The following TOP1 variants were observed in gnomAD, a reference collection of about 807,000 sequenced individuals.
TOP1 encodes the protein DNA topoisomerase I.
Under a neutral mutation model 111.1 loss-of-function variants are expected in TOP1, and 10 were observed. That is an observed-to-expected ratio of 0.09 (90% CI 0.06 to 0.15). The LOEUF (loss-of-function observed/expected upper bound fraction) is 0.15. Among genes scored for constraint, TOP1 ranks in the 10% least tolerant of loss-of-function variants. The pLI is 1.00. For synonymous variants in TOP1, 271 were observed against 302.9 expected, an observed-to-expected ratio of 0.89 and a Z score of 1.10; for missense variants, 474 against 926.7, an observed-to-expected ratio of 0.51 and a Z score of 6.34.
rs759789088 is a variant in TOP1 at position 41,082,768 on chromosome 20, C to G, written c.507+1528C>G. Among the ~76,000 whole-genome samples, 1 of 151,774 alleles carries G rather than the reference C, an allele frequency of 6.6e-6. No individual in the cohort carries two copies. Among genetic ancestry groups the G allele is most frequent in the Non-Finnish European group, 1.5e-5 (1 of 68,004 alleles). On this transcript the variant is annotated intron_variant, in intron 7 of 20. Coordinates refer to ENST00000361337, the MANE Select transcript of TOP1 (RefSeq NM_003286.4). The surrounding 1 kb of genome is among the most constrained non-coding windows in gnomAD (Gnocchi z 4.1). Reference sequence around the variant, plus strand: ...AAGTAGTGATTATGGTAGCCAATCACTCCACTTGCATATACCAAATCAGTA... The same window carrying G: ...AAGTAGTGATTATGGTAGCCAATCAGTCCACTTGCATATACCAAATCAGTA...
chr20:41,123,734 C>T lies in TOP1; in HGVS notation c.*437C>T. ...GAAATAAATTCCTAAACTCCCTTCCCTCTCTCCCATTTCAGGAATTTAAAA... is the reference window on the plus strand; with the variant it reads ...GAAATAAATTCCTAAACTCCCTTCCTTCTCTCCCATTTCAGGAATTTAAAA... On this transcript the variant is annotated 3_prime_UTR_variant, in exon 21 of 21. Transcript: ENST00000361337. The surrounding 1 kb of genome is among the most constrained non-coding windows in gnomAD (Gnocchi z 5.8). 4.3e-6 allele frequency: 1 copy of T among 232,572 alleles called. No individual in the cohort carries two copies. Among genetic ancestry groups the T allele is most frequent in the Non-Finnish European group, 8.5e-6 (1 of 117,500 alleles). The allele number at this position is 232,572 out of a possible 1,614,324, so 14.4% of individuals were successfully genotyped here.
intron 13 of TOP1, among the ~76,000 whole-genome samples, chr20:41,108,692 GC>G (rs1348376350): frequency 1.3e-5 from 2 of 152,148 alleles, no homozygotes; most frequent in African/African-American, 4.8e-5. Flanking sequence ...CCCACTCTGT[GC>G]CTGGTGCCCG....
rs754641666 is a variant in TOP1, at chr20:41,123,160, C to G, written c.2196-35C>G. ...TCAGATATGGGCCATTGCTGAGTCA[C>G]CCTAATCCCCCCCTTATTTCTCCTT... On this transcript the variant is annotated intron_variant, in intron 20 of 20. Coordinates refer to ENST00000361337, the MANE Select transcript of TOP1 (RefSeq NM_003286.4). This position sits in a 1 kb window ranked among gnomAD's most constrained non-coding sequence, Gnocchi z 5.8. The G allele has an allele frequency of 1.3e-6, 2 of 1,501,094 alleles. No homozygotes were observed. The highest frequency in any genetic ancestry group is 1.9e-6 in the Non-Finnish European group (2 of 1,078,024). The allele number at this position is 1,501,094 out of a possible 1,614,324, so 93.0% of individuals were successfully genotyped here.
chr20:41,072,339 C>G, intron 3 of TOP1: 1 of 985,418 alleles, frequency 1.0e-6, no homozygotes. Flanking sequence ...CTGCATTGGT[C>G]AGAATTTCCA....
At chr20:41,063,561 G>A (rs1251171565) in intron 3 of TOP1, among the ~76,000 whole-genome samples, 1 of 152,224 alleles carries the variant, frequency 6.6e-6, no homozygotes, top group Non-Finnish European at 1.5e-5. Context: ...CTCATCAACA[G>A]TGTATAAGTG....
In TOP1 at chr20:41,083,062, T is replaced by A. The variant is rs1460884489; in HGVS notation, c.508-1400T>A. On this transcript the variant is annotated intron_variant, in intron 7 of 20. Coordinates refer to ENST00000361337, the MANE Select transcript of TOP1 (RefSeq NM_003286.4). This position sits in a 1 kb window ranked among gnomAD's most constrained non-coding sequence, Gnocchi z 7.2. ...TAAACCTCACTCGCCAACTATAGTT[T>A]TTTTGTTTTTTGTTTTTTTCTCTTG... Among the ~76,000 whole-genome samples the A allele has an allele frequency of 6.6e-6, 1 of 152,112 alleles. No individual in the cohort carries two copies.
At chr20:41,107,595 GTTC>G (rs1274863645) in intron 13 of TOP1, among the ~76,000 whole-genome samples, 4 of 151,868 alleles carry the variant, frequency 2.6e-5, no homozygotes, top group Non-Finnish European at 5.9e-5. Context: ...ATAATTTCAT[GTTC>G]TTTCTAGATT....
In TOP1 at chr20:41,078,930, A is replaced by G. The variant is rs1361157468; in HGVS notation, c.336-1155A>G. 6.6e-6 allele frequency among the ~76,000 whole-genome samples: 1 copy of G among 152,142 alleles called. No homozygotes were observed. The highest frequency in any genetic ancestry group is 6.5e-5 in the Admixed American group (1 of 15,276). On this transcript the variant is annotated intron_variant, in intron 5 of 20. Coordinates refer to ENST00000361337, the MANE Select transcript of TOP1 (RefSeq NM_003286.4). This position sits in a 1 kb window ranked among gnomAD's most constrained non-coding sequence, Gnocchi z 5.3. ...CCTTCAGACCTAAGTAACCCTTCCCACAGTTTTTGTCTTCAGTGTGACAAA... is the reference window on the plus strand; with the variant it reads ...CCTTCAGACCTAAGTAACCCTTCCCGCAGTTTTTGTCTTCAGTGTGACAAA...
chr20:41,072,612 T>C, intron 3 of TOP1: 2 of 985,406 alleles, frequency 2.0e-6, no homozygotes, highest in South Asian at 9.4e-5. Context: ...CTAGGAAAGA[T>C]TGGCAGTGGG....
Position 41,109,234 on chromosome 20 carries a change from A to G in TOP1, c.1309-3548A>G, listed in dbSNP as rs189880374. Among the ~76,000 whole-genome samples the G allele has an allele frequency of 1.1e-3, 172 of 152,328 alleles. No individual in the cohort carries two copies. The highest frequency in any genetic ancestry group is 2.5e-3 in the Admixed American group (39 of 15,304). ...GGAAGCTCTCATTTTGGTGAGTTCT[A>G]TTAGAGAAAATAAGACACAAGCTCA... is the stretch of plus-strand genomic sequence containing the variant. On this transcript the variant is annotated intron_variant, in intron 13 of 20. Transcript: ENST00000361337. The surrounding 1 kb of genome is among the most constrained non-coding windows in gnomAD (Gnocchi z 4.1).
Position 41,124,403 on chromosome 20 carries a change from C to G in TOP1, c.*1106C>G, listed in dbSNP as rs1188813566. On this transcript the variant is annotated 3_prime_UTR_variant, in exon 21 of 21. Coordinates refer to ENST00000361337, the MANE Select transcript of TOP1 (RefSeq NM_003286.4). This position sits in a 1 kb window ranked among gnomAD's most constrained non-coding sequence, Gnocchi z 5.4. ...TGCAGAGTCCATTTCCCACATCTTT[C>G]CTCAAGTATCTTCTATTTTTATCAT... is the stretch of plus-strand genomic sequence containing the variant. 5 of 233,198 alleles carry G rather than the reference C, an allele frequency of 2.1e-5. No individual in the cohort carries two copies. Among genetic ancestry groups the G allele is most frequent in the African/African-American group, 1.1e-4 (5 of 45,324 alleles). 14.4% of individuals were successfully genotyped at this position (233,198 alleles called of 1,614,324 possible). A position where few individuals can be genotyped will look rare whatever the true frequency, so the allele number is the denominator to read the frequency against.
Position 41,095,479 on chromosome 20 carries a change from ATCTT to A in TOP1, c.731-1739_731-1736del, listed in dbSNP as rs2033970162. 6.6e-6 allele frequency among the ~76,000 whole-genome samples: 1 copy of A among 152,162 alleles called. No individual in the cohort carries two copies. Among genetic ancestry groups the A allele is most frequent in the Middle Eastern group, 3.2e-3 (1 of 316 alleles). ...ACAGTTTTCTAAAGAAGTTCAGGGA[ATCTT>A]TTAATACACAGCCTATCTTCCCCGA... On this transcript the variant is annotated intron_variant, in intron 9 of 20. Coordinates refer to ENST00000361337, the MANE Select transcript of TOP1 (RefSeq NM_003286.4). This position sits in a 1 kb window ranked among gnomAD's most constrained non-coding sequence, Gnocchi z 4.6.
chr20:41,091,271 TA>T (rs2033916737), intron 8 of TOP1, among the ~76,000 whole-genome samples: 1 of 152,156 alleles, frequency 6.6e-6, no homozygotes, highest in Admixed American at 6.5e-5. Context: ...TCTATTCGAG[TA>T]AAAGAAACTT....
At chr20:41,087,041 AAAG>A (rs1324403302) in intron 8 of TOP1, among the ~76,000 whole-genome samples, 2 of 152,182 alleles carry the variant, frequency 1.3e-5, no homozygotes, top group African/African-American at 4.8e-5. Context: ...TATCCTACTA[AAAG>A]AAGTACACAC....
In TOP1 at chr20:41,102,719, A is replaced by G. The variant is rs1048613895; in HGVS notation, c.1308+1366A>G. ...GTTGAGCAGACTAGTCATTTAAAGA[A>G]ACATGTATTCCTCTTCTGAAGTATC... On this transcript the variant is annotated intron_variant, in intron 13 of 20. Coordinates refer to ENST00000361337, the MANE Select transcript of TOP1 (RefSeq NM_003286.4). The surrounding 1 kb of genome is among the most constrained non-coding windows in gnomAD (Gnocchi z 4.0). 6.6e-6 allele frequency among the ~76,000 whole-genome samples: 1 copy of G among 152,238 alleles called. No individual in the cohort carries two copies. Among genetic ancestry groups the G allele is most frequent in the Non-Finnish European group, 1.5e-5 (1 of 68,042 alleles).
chr20:41,053,237 A>G (rs892697870), intron 2 of TOP1, among the ~76,000 whole-genome samples: 1 of 151,932 alleles, frequency 6.6e-6, no homozygotes, highest in African/African-American at 2.4e-5. Flanking sequence ...ATGCCCTTTC[A>G]CCTTCCTTTG....
Position 41,092,512 on chromosome 20 carries a change from T to G in TOP1, c.655T>G (p.Phe219Val). ...CTATCCTGAAGGCATCAAGTGGAAA[T>G]TCCTAGAACATAAAGGTCCAGTATT... ...ERYPEGIKWKFLEHKGPVFAP... is the reference protein window; with the variant it reads ...ERYPEGIKWKVLEHKGPVFAP... The change falls in exon 9 of 21, where the codon TTC (phenylalanine) becomes GTC (valine). Residue 219 changes from phenylalanine (F) to valine (V), a missense_variant. By Grantham distance (50) the Phe-to-Val change is conservative. Coordinates refer to ENST00000361337, the MANE Select transcript of TOP1 (RefSeq NM_003286.4). This position sits in a 1 kb window ranked among gnomAD's most constrained non-coding sequence, Gnocchi z 4.3. 6.2e-7 allele frequency: 1 copy of G among 1,606,372 alleles called. No individual in the cohort carries two copies.
chr20:41,094,481 G>GTGGTTT lies in TOP1; in HGVS notation c.730+1895_730+1900dup. 6.6e-6 allele frequency among the ~76,000 whole-genome samples: 1 copy of GTGGTTT among 152,158 alleles called. No individual in the cohort carries two copies. Among genetic ancestry groups the GTGGTTT allele is most frequent in the East Asian group, 1.9e-4 (1 of 5,190 alleles). ...AGGGAAAGCTAGATTCCCTAGTCCTGTGGTTTCTCTTCCTTTTCAAGATAG... is the reference window on the plus strand; with the variant it reads ...AGGGAAAGCTAGATTCCCTAGTCCTGTGGTTTTGGTTTCTCTTCCTTTTCAAGATAG... On this transcript the variant is annotated intron_variant, in intron 9 of 20. Coordinates refer to ENST00000361337, the MANE Select transcript of TOP1 (RefSeq NM_003286.4). This position sits in a 1 kb window ranked among gnomAD's most constrained non-coding sequence, Gnocchi z 4.4.
intron 3 of TOP1, among the ~76,000 whole-genome samples, chr20:41,075,362 G>A (rs1002143062): frequency 1.3e-5 from 2 of 152,108 alleles, no homozygotes; most frequent in Non-Finnish European, 1.5e-5. Context: ...TAGTAGAAAC[G>A]GGGTTTCACT....
Sources: gnomAD v4.1 joint callset for allele counts (sites outside exome capture counted in the v4.1 genomes callset) on GRCh38, gnomAD v4.1.1 for gene constraint, Gnocchi (gnomAD v3.1) non-coding constraint, MANE v1.5 for transcripts, NCBI Gene and HGNC (gene_info 2026-07-23, HGNC 2026-07-21) for gene names.